Variants in CEP85 observed in about 807,000 individuals in gnomAD.
CEP85 encodes centrosomal protein 85, also known as centrosomal protein of 85 kDa.
In CEP85, 58 loss-of-function variants were observed where a neutral mutation model predicts 93.7. The observed-to-expected ratio is 0.62, with a 90% CI of 0.50 to 0.77. The LOEUF (loss-of-function observed/expected upper bound fraction) is 0.77, where lower values mean the gene tolerates loss of function less well. CEP85 is among the 30% of genes least tolerant of loss of function. The pLI, the probability that CEP85 is intolerant of heterozygous loss-of-function variation, is 0.00. For missense variants in CEP85, 868 were observed against 922.0 expected, an observed-to-expected ratio of 0.94 and a Z score of 0.76; for synonymous variants, 314 against 338.6, an observed-to-expected ratio of 0.93 and a Z score of 0.80.
intron 3 of CEP85, among the ~76,000 whole-genome samples, chr1:26,251,825 T>G (rs747539134): frequency 2.6e-5 from 4 of 152,160 alleles, no homozygotes; most frequent in Non-Finnish European, 5.9e-5. Context: ...AAGTTCATGG[T>G]AGCAACCCCT....
chr1:26,276,821 C>A (rs1570056556), intron 13 of CEP85, 61 bp downstream of exon 13: 2 of 1,294,164 alleles, frequency 1.5e-6, no homozygotes, highest in African/African-American at 1.5e-5. Flanking sequence ...TTCTCTCCCC[C>A]ATCCTGCTTT....
At chr1:26,241,082 T>C (rs995272650) in intron 2 of CEP85, among the ~76,000 whole-genome samples, 2 of 152,124 alleles carry the variant, frequency 1.3e-5, no homozygotes, top group Non-Finnish European at 2.9e-5. Flanking sequence ...GCACGTTTAA[T>C]TCAACTCAGG....
At chr1:26,243,205 T>C (rs1315911808) in intron 2 of CEP85, among the ~76,000 whole-genome samples, 1 of 150,794 alleles carries the variant, frequency 6.6e-6, no homozygotes, top group South Asian at 2.1e-4. Flanking sequence ...CAATCTTTGC[T>C]CACTGCAACC....
chr1:26,257,334 G>A (rs2089723063), intron 4 of CEP85, among the ~76,000 whole-genome samples: 1 of 152,190 alleles, frequency 6.6e-6, no homozygotes, highest in Admixed American at 6.5e-5. Flanking sequence ...CTCCTGGTTT[G>A]CCTCTGTTGC....
intron 1 of CEP85, among the ~76,000 whole-genome samples, chr1:26,238,025 T>G (rs2089353906): frequency 6.6e-6 from 1 of 151,718 alleles, no homozygotes; most frequent in Non-Finnish European, 1.5e-5. Flanking sequence ...CCCTTTCTAT[T>G]GTAGATGCAG....
At chr1:26,272,129 T>G in intron 11 of CEP85, 58 bp downstream of exon 11, 1 of 1,534,206 alleles carries the variant, frequency 6.5e-7, no homozygotes, top group South Asian at 1.1e-5. Flanking sequence ...TCTCTAGAAT[T>G]TAGCCAATAT....
At position 26,269,626 on chromosome 1, in the gene CEP85, T is replaced by C; in HGVS notation, c.1649+12T>C. 7.5e-6 allele frequency: 12 copies of C among 1,609,306 alleles called. No homozygotes were observed. Among genetic ancestry groups the C allele is most frequent in the Non-Finnish European group, 1.0e-5 (12 of 1,177,268 alleles). ...TCCGCTGGACATAGGTAAATAACCCTGTGGGACTGAGAGGAGTGGAGAGTT... is the reference window on the plus strand; with the variant it reads ...TCCGCTGGACATAGGTAAATAACCCCGTGGGACTGAGAGGAGTGGAGAGTT... On this transcript the variant is annotated intron_variant, in intron 9 of 13. Coordinates refer to ENST00000451429, the MANE Select transcript of CEP85 (RefSeq NM_001319944.2).
intron 2 of CEP85, among the ~76,000 whole-genome samples, chr1:26,242,745 G>A (rs1005599572): frequency 1.3e-5 from 2 of 151,958 alleles, no homozygotes; most frequent in Admixed American, 6.6e-5. Flanking sequence ...TTCTGAAATC[G>A]GCTTTCACAC....
intron 3 of CEP85, among the ~76,000 whole-genome samples, chr1:26,247,087 G>C (rs1469833379): frequency 6.6e-6 from 1 of 152,164 alleles, no homozygotes; most frequent in Non-Finnish European, 1.5e-5. Context: ...TGTGAAATGT[G>C]CATTTGAGGG....
chr1:26,275,441 C>T (rs558900585), intron 12 of CEP85, among the ~76,000 whole-genome samples: 25 of 152,148 alleles, frequency 1.6e-4, no homozygotes, highest in Admixed American at 5.9e-4. Context: ...CCACCACGCC[C>T]GGCTAATTTT....
intron 2 of CEP85, among the ~76,000 whole-genome samples, chr1:26,243,122 G>A (rs2089453469): frequency 8.5e-6 from 1 of 117,444 alleles, no homozygotes; most frequent in Non-Finnish European, 1.7e-5. Flanking sequence ...GTGAAGCAGT[G>A]ATTTTCTTTT....
intron 3 of CEP85, among the ~76,000 whole-genome samples, chr1:26,253,778 A>G (rs1172465722): frequency 6.6e-6 from 1 of 151,838 alleles, no homozygotes; most frequent in Admixed American, 6.6e-5. Context: ...ATGGTGGCTC[A>G]CACCTGTAAT....
At chr1:26,240,138 T>C (rs1019210587) in intron 2 of CEP85, among the ~76,000 whole-genome samples, 2 of 152,218 alleles carry the variant, frequency 1.3e-5, no homozygotes, top group African/African-American at 2.4e-5. Flanking sequence ...CATAAATTAC[T>C]GTGTTCTATG....
chr1:26,271,978 C>T (rs756039147), intron 10 of CEP85, 43 bp from the exon 11 acceptor site: 10 of 1,602,066 alleles, frequency 6.2e-6, no homozygotes, highest in Admixed American at 1.7e-5. Flanking sequence ...TCCTCACCGT[C>T]AGCCTTGTGC....
intron 11 of CEP85, among the ~76,000 whole-genome samples, chr1:26,274,195 T>C (rs1483403074): frequency 8.9e-6 from 1 of 112,870 alleles, no homozygotes; most frequent in East Asian, 2.0e-4. Flanking sequence ...ACAGACACAC[T>C]TACACACAAC....
chr1:26,274,901 T>G, intron 11 of CEP85, 63 bp from the exon 12 acceptor site: 1 of 1,307,196 alleles, frequency 7.6e-7, no homozygotes. Flanking sequence ...CCAGCGGTGA[T>G]ATTGTCTGAA....
At chr1:26,262,670 G>A (rs1449454397) in intron 7 of CEP85, among the ~76,000 whole-genome samples, 1 of 152,098 alleles carries the variant, frequency 6.6e-6, no homozygotes, top group East Asian at 1.9e-4. Context: ...GGGAGCATGG[G>A]CTAAAAATAT....
intron 2 of CEP85, 92 bp downstream of exon 2, chr1:26,239,930 C>G: frequency 2.2e-6 from 2 of 916,740 alleles, no homozygotes; most frequent in African/African-American, 1.7e-5. Context: ...CAAGCATTCA[C>G]TGAAATGCTG....
At position 26,259,715 on chromosome 1, in the gene CEP85, T is replaced by C. The variant is rs749750350; in HGVS notation, c.1254T>C (p.Ala418=). ...TTGACCTTGAAAAGAAACTCTCTGC[T>C]TCTGAAGTTGAAGTCCAGCTCATCA... The part of the protein sequence containing the change: ...EKIDLEKKLS[A]SEVEVQLIRE... The change falls in exon 7 of 14, where the codon GCT becomes GCC. Residue 418 remains alanine, a synonymous_variant. Coordinates refer to ENST00000451429, the MANE Select transcript of CEP85 (RefSeq NM_001319944.2). The C allele has an allele frequency of 6.2e-7, 1 of 1,614,008 alleles. No individual in the cohort carries two copies. The highest frequency in any genetic ancestry group is 1.3e-5 in the African/African-American group (1 of 74,938).
Sources: gnomAD v4.1 joint callset for allele counts (sites outside exome capture counted in the v4.1 genomes callset) on GRCh38, gnomAD v4.1.1 for gene constraint, MANE v1.5 for transcripts, NCBI Gene and HGNC (gene_info 2026-07-23, HGNC 2026-07-21) for gene names.